The following CDH8 variants were observed in gnomAD, a reference collection of about 807,000 sequenced individuals.
CDH8 encodes cadherin-8.
Under a neutral mutation model 68.1 loss-of-function variants are expected in CDH8, and 17 were observed. The ratio of observed to expected loss-of-function variants is 0.25; its 90% CI spans 0.17 to 0.37. The LOEUF is 0.37. Among genes scored for constraint, CDH8 ranks in the 10% least tolerant of loss-of-function variants. CDH8 has a pLI of 1.00. For synonymous variants in CDH8, 372 were observed against 365.1 expected, an observed-to-expected ratio of 1.02 and a Z score of -0.21; for missense variants, 763 against 999.3, an observed-to-expected ratio of 0.76 and a Z score of 3.19.
chr16:61,727,188 G>A lies in CDH8; in HGVS notation c.1442C>T (p.Pro481Leu), dbSNP rs1201796964. ...GACATCCAGCACTTTAATAGCAACA[G>A]GTACTCGTGATATCTGACTGTGGTT... Reference protein sequence around the residue: ...IRNHSQISRVPVAIKVLDVND... With the variant: ...IRNHSQISRVLVAIKVLDVND... The change falls in exon 9 of 12, where the codon CCT becomes CTT. Residue 481 changes from proline to leucine, a missense_variant. Pro to Leu is a moderately conservative substitution (Grantham distance 98). Coordinates refer to ENST00000577390, the MANE Select transcript of CDH8 (RefSeq NM_001796.5). The A allele has an allele frequency of 1.4e-5, 22 of 1,609,346 alleles. No homozygotes were observed. In the Admixed American group the frequency reaches 3.7e-4, roughly 27 times the overall value.
chr16:61,682,108 T>G (rs1964023326), intron 10 of CDH8, among the ~76,000 whole-genome samples: 1 of 151,862 alleles, frequency 6.6e-6, no homozygotes, highest in Non-Finnish European at 1.5e-5. Flanking sequence ...AAAGATAATA[T>G]TCAATCTTTT....
chr16:62,023,983 G>T (rs1391879850), intron 1 of CDH8, among the ~76,000 whole-genome samples: 1 of 152,138 alleles, frequency 6.6e-6, no homozygotes, highest in African/African-American at 2.4e-5. Context: ...GAGTAGCTGG[G>T]CGTGCACCAC....
chr16:61,817,302 C>T (rs1013360115), intron 7 of CDH8, among the ~76,000 whole-genome samples, 177 bp downstream of exon 7: 24 of 135,666 alleles, frequency 1.8e-4, no homozygotes, highest in East Asian at 2.1e-4. Flanking sequence ...CATACGTGTG[C>T]GTGTACACAC....
chr16:61,994,977 C>T (rs2150592222), intron 2 of CDH8, among the ~76,000 whole-genome samples: 1 of 152,270 alleles, frequency 6.6e-6, no homozygotes, highest in East Asian at 1.9e-4. Flanking sequence ...TTTCTGCTAA[C>T]AAACCTGCCT....
intron 1 of CDH8, among the ~76,000 whole-genome samples, chr16:62,035,547 C>G (rs1356688418): frequency 6.6e-6 from 1 of 152,184 alleles, no homozygotes; most frequent in Non-Finnish European, 1.5e-5. Context: ...AGCCTTGGCC[C>G]GCAGCCCTGC....
intron 2 of CDH8, among the ~76,000 whole-genome samples, chr16:62,020,057 A>G (rs1902035005): frequency 6.6e-6 from 1 of 152,184 alleles, no homozygotes; most frequent in Non-Finnish European, 1.5e-5. Context: ...GTAGAACCAT[A>G]TGAAATGAGA....
At chr16:61,760,574 A>T (rs1183101027) in intron 8 of CDH8, among the ~76,000 whole-genome samples, 1 of 152,060 alleles carries the variant, frequency 6.6e-6, no homozygotes, top group Admixed American at 6.6e-5. Flanking sequence ...CAGCCTCTTA[A>T]AGTGCTGGGA....
chr16:61,859,545 C>T (rs1011787588), intron 3 of CDH8, among the ~76,000 whole-genome samples: 7 of 152,200 alleles, frequency 4.6e-5, no homozygotes, highest in East Asian at 3.9e-4. Context: ...TTAGGGCCTC[C>T]GGATTTAATT....
intron 3 of CDH8, among the ~76,000 whole-genome samples, chr16:61,881,548 A>G (rs1445130225): frequency 6.6e-6 from 1 of 152,194 alleles, no homozygotes; most frequent in Admixed American, 6.5e-5. Flanking sequence ...GAAGATGCGC[A>G]CTGATGTTTA....
chr16:61,857,570 G>C (rs985111155), intron 3 of CDH8, among the ~76,000 whole-genome samples: 1 of 152,010 alleles, frequency 6.6e-6, no homozygotes, highest in African/African-American at 2.4e-5. Flanking sequence ...TGAAATATAA[G>C]GTTAATAATA....
chr16:61,960,626 G>A (rs1450902268), intron 2 of CDH8, among the ~76,000 whole-genome samples: 2 of 152,036 alleles, frequency 1.3e-5, no homozygotes, highest in African/African-American at 2.4e-5. Context: ...ATAAATAACT[G>A]AGCAAATGGA....
intron 5 of CDH8, 116 bp downstream of exon 5, chr16:61,824,896 A>G (rs1176874652): frequency 2.4e-6 from 2 of 841,132 alleles, no homozygotes; most frequent in Non-Finnish European, 1.9e-6. Context: ...TACCTGGCAC[A>G]TAATAAGCCA....
intron 8 of CDH8, among the ~76,000 whole-genome samples, chr16:61,758,040 A>G (rs917697542): frequency 6.6e-6 from 1 of 152,182 alleles, no homozygotes; most frequent in Non-Finnish European, 1.5e-5. Flanking sequence ...GAGATAGATT[A>G]ATTGAGAATA....
chr16:61,681,984 ATCTC>A (rs1468998118), intron 10 of CDH8, among the ~76,000 whole-genome samples: 1 of 151,910 alleles, frequency 6.6e-6, no homozygotes, highest in Non-Finnish European at 1.5e-5. Context: ...TGGGAAAATA[ATCTC>A]TCTAAGTACA....
At chr16:61,891,263 G>T (rs1963772071) in intron 3 of CDH8, among the ~76,000 whole-genome samples, 1 of 152,026 alleles carries the variant, frequency 6.6e-6, no homozygotes, top group East Asian at 1.9e-4. Flanking sequence ...TTATAATTTA[G>T]GGAGTACAAA....
chr16:61,960,038 A>AC (rs1430572344), intron 2 of CDH8, among the ~76,000 whole-genome samples: 1 of 103,058 alleles, frequency 9.7e-6, no homozygotes, highest in African/African-American at 4.4e-5. Flanking sequence ...ACACACACAC[A>AC]ACATATATGT....
At chr16:61,913,407 T>C (rs938672432) in intron 2 of CDH8, among the ~76,000 whole-genome samples, 1 of 152,158 alleles carries the variant, frequency 6.6e-6, no homozygotes, top group Admixed American at 6.6e-5. Flanking sequence ...GTACATAGGT[T>C]ATATGCAAAT....
At chr16:61,727,878 A>T (rs1020114243) in intron 8 of CDH8, among the ~76,000 whole-genome samples, 5 of 151,110 alleles carry the variant, frequency 3.3e-5, no homozygotes, top group Non-Finnish European at 7.4e-5. Flanking sequence ...TTCCAATAGC[A>T]GAGAACTCAA....
intron 7 of CDH8, among the ~76,000 whole-genome samples, chr16:61,799,480 C>T (rs1961570269): frequency 6.6e-6 from 1 of 152,044 alleles, no homozygotes; most frequent in South Asian, 2.1e-4. Flanking sequence ...AGTGGAGTAG[C>T]CCATTATAGA....
Sources: gnomAD v4.1 joint callset for allele counts (sites outside exome capture counted in the v4.1 genomes callset) on GRCh38, gnomAD v4.1.1 for gene constraint, MANE v1.5 for transcripts, NCBI Gene and HGNC (gene_info 2026-07-23, HGNC 2026-07-21) for gene names.